The following MDFIC2 variants were observed in gnomAD, a reference collection of about 807,000 sequenced individuals.
MDFIC2 encodes myoD family inhibitor domain-containing protein 2.
chr3:70,207,024 T>G (rs1417060893), intron 2 of MDFIC2, among the ~76,000 whole-genome samples: 1 of 146,076 alleles, frequency 6.8e-6, no homozygotes, highest in East Asian at 2.2e-4. Context: ...TTTGTAACAC[T>G]TATTTCTACT....
chr3:70,300,028 A>G (rs1248635153), intron 2 of MDFIC2, among the ~76,000 whole-genome samples: 1 of 152,040 alleles, frequency 6.6e-6, no homozygotes, highest in Non-Finnish European at 1.5e-5. Flanking sequence ...ATCAGTTTGT[A>G]TTGTTACTGC....
At chr3:70,198,426 T>C (rs1459686571) in intron 3 of MDFIC2, among the ~76,000 whole-genome samples, 1 of 152,194 alleles carries the variant, frequency 6.6e-6, no homozygotes, top group Non-Finnish European at 1.5e-5. Flanking sequence ...TTTTCTTTCA[T>C]TATTCATATA....
At chr3:70,248,131 A>T (rs1701726095) in intron 2 of MDFIC2, among the ~76,000 whole-genome samples, 1 of 152,066 alleles carries the variant, frequency 6.6e-6, no homozygotes, top group Middle Eastern at 3.2e-3. Flanking sequence ...AATGAACCAT[A>T]TTATTCTCTG....
At chr3:70,279,566 T>C (rs988940425) in intron 2 of MDFIC2, among the ~76,000 whole-genome samples, 5 of 152,192 alleles carry the variant, frequency 3.3e-5, no homozygotes, top group Non-Finnish European at 7.3e-5. Flanking sequence ...TTCCTGGCAC[T>C]CTTGATGAGC....
chr3:70,257,088 G>A (rs1490133297), intron 2 of MDFIC2, among the ~76,000 whole-genome samples: 2 of 151,976 alleles, frequency 1.3e-5, no homozygotes, highest in Admixed American at 6.6e-5. Flanking sequence ...AAATGAGAGA[G>A]GATATTTATA....
At chr3:70,233,834 T>G (rs1318504748) in intron 2 of MDFIC2, among the ~76,000 whole-genome samples, 1 of 152,256 alleles carries the variant, frequency 6.6e-6, no homozygotes, top group Non-Finnish European at 1.5e-5. Context: ...TTTTTTTAGC[T>G]GAGTAATATT....
chr3:70,277,488 T>C (rs1164501005), intron 2 of MDFIC2, among the ~76,000 whole-genome samples: 1 of 152,174 alleles, frequency 6.6e-6, no homozygotes, highest in Non-Finnish European at 1.5e-5. Context: ...TGATAATATT[T>C]AGAATAAGCC....
chr3:70,214,430 TA>T (rs1039907868), intron 2 of MDFIC2, among the ~76,000 whole-genome samples: 10 of 151,994 alleles, frequency 6.6e-5, no homozygotes, highest in Non-Finnish European at 1.5e-4. Context: ...AAATCTTTTT[TA>T]AAAAGAGAGA....
chr3:70,220,952 C>A (rs935547728), intron 2 of MDFIC2, among the ~76,000 whole-genome samples: 2 of 152,132 alleles, frequency 1.3e-5, no homozygotes, highest in Non-Finnish European at 2.9e-5. Context: ...AATGTAGTAG[C>A]TATGCATCAG....
At chr3:70,210,239 C>G (rs1456881883) in intron 2 of MDFIC2, among the ~76,000 whole-genome samples, 1 of 152,050 alleles carries the variant, frequency 6.6e-6, no homozygotes, top group African/African-American at 2.4e-5. Context: ...ATTAAGCAAC[C>G]ATTTGGAGCA....
intron 2 of MDFIC2, among the ~76,000 whole-genome samples, chr3:70,209,730 C>T (rs1260493991): frequency 6.6e-6 from 1 of 152,080 alleles, no homozygotes; most frequent in Non-Finnish European, 1.5e-5. Context: ...TCTCTCCTTC[C>T]TAACTGCTGA....
chr3:70,271,065 A>C (rs139750422), intron 2 of MDFIC2, among the ~76,000 whole-genome samples: 22 of 152,300 alleles, frequency 1.4e-4, no homozygotes, highest in African/African-American at 3.1e-4. Flanking sequence ...ATAAAAAAAA[A>C]CAGTAAATTA....
intron 2 of MDFIC2, among the ~76,000 whole-genome samples, chr3:70,207,666 A>G (rs1031005356): frequency 6.6e-6 from 1 of 152,124 alleles, no homozygotes; most frequent in Non-Finnish European, 1.5e-5. Flanking sequence ...TAAAAATGAT[A>G]CAAATAAAAA....
At chr3:70,286,774 C>A (rs1441764002) in intron 2 of MDFIC2, among the ~76,000 whole-genome samples, 1 of 152,160 alleles carries the variant, frequency 6.6e-6, no homozygotes, top group Non-Finnish European at 1.5e-5. Flanking sequence ...AGGTCCTTCA[C>A]ATCCCTTATA....
intron 2 of MDFIC2, among the ~76,000 whole-genome samples, chr3:70,239,760 C>T (rs1186306996): frequency 2.6e-5 from 4 of 152,094 alleles, no homozygotes; most frequent in South Asian, 2.1e-4. Flanking sequence ...GAGATCATAT[C>T]GCCCTATGTT....
At chr3:70,250,907 G>A (rs1052227118) in intron 2 of MDFIC2, among the ~76,000 whole-genome samples, 2 of 152,018 alleles carry the variant, frequency 1.3e-5, no homozygotes, top group Admixed American at 6.6e-5. Flanking sequence ...ACATTTGGCT[G>A]AAAAAAATGG....
intron 2 of MDFIC2, among the ~76,000 whole-genome samples, chr3:70,235,898 G>C (rs1436660338): frequency 6.6e-6 from 1 of 152,126 alleles, no homozygotes; most frequent in Non-Finnish European, 1.5e-5. Flanking sequence ...TCATATTAGT[G>C]GTTCAATGGA....
At chr3:70,297,158 C>T (rs919316281) in intron 2 of MDFIC2, among the ~76,000 whole-genome samples, 10 of 152,016 alleles carry the variant, frequency 6.6e-5, no homozygotes, top group Non-Finnish European at 1.2e-4. Flanking sequence ...ATGCACAGTA[C>T]ACTGCTTGTC....
chr3:70,235,016 T>C (rs749775249), intron 2 of MDFIC2, among the ~76,000 whole-genome samples: 1 of 152,208 alleles, frequency 6.6e-6, no homozygotes, highest in Non-Finnish European at 1.5e-5. Flanking sequence ...TAGCCAGGCT[T>C]GAGAACCTCT....
Sources: gnomAD v4.1 joint callset for allele counts (sites outside exome capture counted in the v4.1 genomes callset) on GRCh38, gnomAD v4.1.1 for gene constraint, MANE v1.5 for transcripts, NCBI Gene and HGNC (gene_info 2026-07-23, HGNC 2026-07-21) for gene names.